PLXDC2: variants seen among roughly 807,000 people sequenced by gnomAD.
PLXDC2 encodes plexin domain-containing protein 2.
In PLXDC2, 40 loss-of-function variants were observed where a neutral mutation model predicts 68.9. That is an observed-to-expected ratio of 0.58 (90% CI 0.45 to 0.76). PLXDC2 has a LOEUF of 0.76. Ranked by LOEUF, PLXDC2 falls within the 30% of genes least tolerant of loss-of-function variation. The pLI is 0.00. For missense variants in PLXDC2, 644 were observed against 661.9 expected (o/e 0.97, Z 0.30); for synonymous variants, 243 against 234.2 (o/e 1.04, Z -0.34).
rs540057935 is a variant in PLXDC2, at chr10:20,129,468, T to A, written c.542-13827T>A. On this transcript the variant is annotated intron_variant, in intron 4 of 13. Transcript: ENST00000377252. ...TTTCTTTAAAGGCTTTTCAGTTTCA[T>A]GAAATCTCATTTGTCCATTTGTGTT... Among the ~76,000 whole-genome samples, 565 of 151,850 alleles carry A rather than the reference T, an allele frequency of 3.7e-3. 1 individual carries two copies. Among genetic ancestry groups the A allele is most frequent in the Non-Finnish European group, 6.4e-3 (436 of 67,968 alleles).
intron 3 of PLXDC2, among the ~76,000 whole-genome samples, chr10:20,064,095 T>C (rs570762528): frequency 4.4e-4 from 67 of 151,902 alleles, no homozygotes; most frequent in South Asian, 2.5e-3. Flanking sequence ...TATTGGGTCT[T>C]CCCACCACCA....
chr10:19,981,748 T>A (rs1482399101), intron 1 of PLXDC2, among the ~76,000 whole-genome samples: 1 of 152,164 alleles, frequency 6.6e-6, no homozygotes, highest in Non-Finnish European at 1.5e-5. Flanking sequence ...ATCTTATCGA[T>A]CAATATAAAC....
rs145690900 is a variant in PLXDC2 at position 19,917,249 on chromosome 10, A to G, written c.113-84526A>G. Among the ~76,000 whole-genome samples the G allele has an allele frequency of 3.0e-4, 46 of 152,248 alleles. 2 individuals are homozygous for G. The East Asian group carries it at 8.9e-3, about 29-fold the overall frequency. ...CTTGAGCATTGCTCCAAGGCTGGGCACAGAGGCAGGATAGAACTGTGTTCA... is the reference window on the plus strand; with the variant it reads ...CTTGAGCATTGCTCCAAGGCTGGGCGCAGAGGCAGGATAGAACTGTGTTCA... On this transcript the variant is annotated intron_variant, in intron 1 of 13. Transcript: ENST00000377252.
intron 9 of PLXDC2, among the ~76,000 whole-genome samples, chr10:20,180,108 A>G (rs1463561029): frequency 2.0e-5 from 3 of 152,092 alleles, no homozygotes; most frequent in Non-Finnish European, 2.9e-5. Context: ...TGTAGAGGAA[A>G]ATCGAGCAAA....
chr10:20,182,544 A>C (rs1834620464), intron 9 of PLXDC2, among the ~76,000 whole-genome samples: 1 of 151,984 alleles, frequency 6.6e-6, no homozygotes, highest in African/African-American at 2.4e-5. Flanking sequence ...AGTGATGAAT[A>C]AACCCACTAT....
chr10:19,830,119 T>C (rs1346918259), intron 1 of PLXDC2, among the ~76,000 whole-genome samples: 1 of 152,190 alleles, frequency 6.6e-6, no homozygotes, highest in African/African-American at 2.4e-5. Context: ...GAAATAGAAA[T>C]TAGAGATAGA....
At chr10:20,173,008 C>T (rs778451950) in intron 7 of PLXDC2, among the ~76,000 whole-genome samples, 3 of 152,210 alleles carry the variant, frequency 2.0e-5, no homozygotes, top group Non-Finnish European at 4.4e-5. Context: ...TATTTAACAA[C>T]TCCAACTAGC....
intron 4 of PLXDC2, among the ~76,000 whole-genome samples, chr10:20,131,613 T>G (rs1833869302): frequency 6.6e-6 from 1 of 152,164 alleles, no homozygotes; most frequent in Non-Finnish European, 1.5e-5. Flanking sequence ...TTGGTCAGGC[T>G]GGTCTTGAAC....
At chr10:19,943,442 C>G (rs993251762) in intron 1 of PLXDC2, among the ~76,000 whole-genome samples, 4 of 152,144 alleles carry the variant, frequency 2.6e-5, no homozygotes, top group Non-Finnish European at 5.9e-5. Flanking sequence ...CAAGACCACA[C>G]CTTTGCAGAG....
At chr10:19,870,374 C>A (rs984079310) in intron 1 of PLXDC2, among the ~76,000 whole-genome samples, 1 of 151,970 alleles carries the variant, frequency 6.6e-6, no homozygotes, top group Non-Finnish European at 1.5e-5. Context: ...ATGCTTTTAT[C>A]GTTTCCAGGC....
At chr10:19,975,876 C>T (rs536825522) in intron 1 of PLXDC2, among the ~76,000 whole-genome samples, 8 of 151,894 alleles carry the variant, frequency 5.3e-5, no homozygotes, top group South Asian at 2.1e-4. Context: ...TGGTGGCATG[C>T]GCCTGTAATC....
At chr10:20,007,970 C>G (rs1328357113) in intron 2 of PLXDC2, among the ~76,000 whole-genome samples, 1 of 152,138 alleles carries the variant, frequency 6.6e-6, no homozygotes, top group African/African-American at 2.4e-5. Flanking sequence ...AAAGTACAGT[C>G]AAGAATGATC....
At chr10:19,837,218 AAAAAG>A (rs1836809913) in intron 1 of PLXDC2, among the ~76,000 whole-genome samples, 1 of 152,112 alleles carries the variant, frequency 6.6e-6, no homozygotes, top group African/African-American at 2.4e-5. Context: ...TTGAAGTAAA[AAAAAG>A]AAATGAAGTG....
intron 1 of PLXDC2, among the ~76,000 whole-genome samples, chr10:19,847,355 A>G (rs1438227420): frequency 6.6e-6 from 1 of 152,194 alleles, no homozygotes; most frequent in Admixed American, 6.5e-5. Context: ...GCTTCTGGGA[A>G]CTCAGAAGGA....
Position 20,281,420 on chromosome 10 carries a change from A to T in PLXDC2, c.*1601A>T, listed in dbSNP as rs1378918275. 6.6e-6 allele frequency: 1 copy of T among 152,174 alleles called. No individual in the cohort carries two copies. The allele number at this position is 152,174 out of a possible 1,614,324, so 9.4% of individuals were successfully genotyped here. ...TGGCTTTTGTAAGGTACAGTGCTCA[A>T]CATTTGCAGATTCAGGTCTCAAGAA... On this transcript the variant is annotated 3_prime_UTR_variant, in exon 14 of 14. Transcript: ENST00000377252.
intron 1 of PLXDC2, among the ~76,000 whole-genome samples, chr10:19,852,365 G>T (rs576771088): frequency 7.2e-6 from 1 of 137,994 alleles, no homozygotes; most frequent in Non-Finnish European, 1.5e-5. Flanking sequence ...GATTGAGGCT[G>T]CAGTGAGCCC....
At chr10:20,044,218 T>TTTCC (rs2131679775) in intron 2 of PLXDC2, among the ~76,000 whole-genome samples, 1 of 14,466 alleles carries the variant, frequency 6.9e-5, no homozygotes, top group South Asian at 2.0e-3. Context: ...TCTGTCTTTC[T>TTTCC]TTCTTTCTTT....
chr10:20,238,192 C>T (rs1018586864), intron 12 of PLXDC2, among the ~76,000 whole-genome samples: 78 of 148,892 alleles, frequency 5.2e-4, no homozygotes, highest in African/African-American at 1.8e-3. Context: ...ATATATATAG[C>T]ATTTTCTTCC....
At chr10:20,242,042 A>G (rs1835523022) in intron 12 of PLXDC2, among the ~76,000 whole-genome samples, 1 of 152,126 alleles carries the variant, frequency 6.6e-6, no homozygotes, top group African/African-American at 2.4e-5. Context: ...GAGGGAGGGA[A>G]GGATTTGAAG....
Sources: allele counts gnomAD v4.1 joint callset (sites outside exome capture counted in the v4.1 genomes callset), GRCh38; gene constraint gnomAD v4.1.1; transcripts MANE v1.5; gene names NCBI Gene and HGNC (gene_info 2026-07-23, HGNC 2026-07-21).